Variants in HMX1 observed in about 807,000 individuals in gnomAD.
HMX1 encodes the protein H6 family homeobox 1, also known as homeobox protein HMX1.
A neutral mutation model predicts 8.9 loss-of-function variants in HMX1; 8 were observed. That is an observed-to-expected ratio of 0.90 (90% CI 0.53 to 1.63). The LOEUF is 1.63. Among genes scored for constraint, HMX1 ranks in the 40% most tolerant of loss-of-function variants. HMX1 has a pLI of 0.00. For synonymous variants in HMX1, 311 were observed against 283.4 expected (o/e 1.10, Z -0.98); for missense variants, 621 against 558.5 (o/e 1.11, Z -1.13).
chr4:8,848,215 G>A lies in HMX1; in HGVS notation c.395-1891C>T, dbSNP rs562585968. Reference sequence around the variant, plus strand: ...TGCATACTTTTGTGCTCTCCAAAGAGAGTCCGAAACATGTAAAGCAACTCA... The same window carrying A: ...TGCATACTTTTGTGCTCTCCAAAGAAAGTCCGAAACATGTAAAGCAACTCA... On this transcript the variant is annotated intron_variant, in intron 1 of 1. Coordinates refer to the HMX1 transcript ENST00000506970. The surrounding 1 kb of genome is among the most constrained non-coding windows in gnomAD (Gnocchi z 4.1). Among the ~76,000 whole-genome samples the A allele has an allele frequency of 1.3e-5, 2 of 152,196 alleles. No homozygotes were observed. Among genetic ancestry groups the A allele is most frequent in the Non-Finnish European group, 2.9e-5 (2 of 68,040 alleles).
At chr4:8,856,382 T>C (rs1033627259) in intron 1 of HMX1, among the ~76,000 whole-genome samples, 7 of 152,296 alleles carry the variant, frequency 4.6e-5, no homozygotes, top group African/African-American at 1.4e-4. Context: ...AGGAATCTCT[T>C]CTGGTAGTGG....
chr4:8,861,060 G>C (rs916423347), intron 1 of HMX1, among the ~76,000 whole-genome samples: 1 of 152,040 alleles, frequency 6.6e-6, no homozygotes, highest in Non-Finnish European at 1.5e-5. Flanking sequence ...GGCCGGAGAC[G>C]GTGAAGAGGC....
rs1722025766 is a variant in HMX1, at chr4:8,867,197, A to G, written c.*496T>C. 1.0e-6 allele frequency: 1 copy of G among 985,682 alleles called. No individual in the cohort carries two copies. Among genetic ancestry groups the G allele is most frequent in the South Asian group, 4.7e-5 (1 of 21,290 alleles). 61.1% of individuals were successfully genotyped at this position (985,682 alleles called of 1,614,324 possible). On this transcript the variant is annotated 3_prime_UTR_variant, in exon 2 of 2. Coordinates refer to ENST00000400677, the MANE Select transcript of HMX1 (RefSeq NM_018942.3). ...CCCACAGGTCCAGGGTCCTTTCTCCACCAGCACCCGCGAGAGGGGTAGCAC... is the reference window on the plus strand; with the variant it reads ...CCCACAGGTCCAGGGTCCTTTCTCCGCCAGCACCCGCGAGAGGGGTAGCAC...
intron 1 of HMX1, among the ~76,000 whole-genome samples, chr4:8,852,194 G>A (rs1411328342): frequency 1.3e-5 from 2 of 152,248 alleles, no homozygotes; most frequent in Non-Finnish European, 2.9e-5. Flanking sequence ...CTTGGGTGAA[G>A]CCAATTTAGT....
intron 1 of HMX1, among the ~76,000 whole-genome samples, chr4:8,869,934 G>A (rs575287333): frequency 6.6e-6 from 1 of 152,166 alleles, no homozygotes; most frequent in Non-Finnish European, 1.5e-5. Flanking sequence ...CCCCAGAAGG[G>A]CACTAGACAG....
chr4:8,853,681 G>A lies in HMX1; in HGVS notation c.395-7357C>T, dbSNP rs908467978. Among the ~76,000 whole-genome samples, 6 of 152,200 alleles carry A rather than the reference G, an allele frequency of 3.9e-5. No individual in the cohort carries two copies. In the East Asian group the frequency reaches 5.8e-4, roughly 15 times the overall value. On this transcript the variant is annotated intron_variant, in intron 1 of 1. Transcript: ENST00000506970. The surrounding 1 kb of genome is among the most constrained non-coding windows in gnomAD (Gnocchi z 4.7). ...AGCCTGACCAATATGATGAAACCCC[G>A]TCTCTACTAAAAATACAGAAATTAG...
Position 8,867,143 on chromosome 4 carries a change from C to T in HMX1, c.*550G>A. ...CTGCGACGTCTGCAGAGAGCCCCAG[C>T]CTGCCTGCTCCTGGAACGGACGATG... On this transcript the variant is annotated 3_prime_UTR_variant, in exon 2 of 2. Coordinates refer to ENST00000400677, the MANE Select transcript of HMX1 (RefSeq NM_018942.3). 1 of 985,542 alleles carries T rather than the reference C, an allele frequency of 1.0e-6. No homozygotes were observed. Among genetic ancestry groups the T allele is most frequent in the Non-Finnish European group, 1.2e-6 (1 of 829,998 alleles). 61.0% of individuals were successfully genotyped at this position (985,542 alleles called of 1,614,324 possible).
chr4:8,860,086 G>A (rs966721615), intron 1 of HMX1, among the ~76,000 whole-genome samples: 1 of 152,380 alleles, frequency 6.6e-6, no homozygotes, highest in African/African-American at 2.4e-5. Context: ...CGAGTTCGTG[G>A]AGCGCCGTTG....
In HMX1 at chr4:8,868,327, G is replaced by A. The variant is rs987428722; in HGVS notation, c.413C>T (p.Pro138Leu). ...ACGGCCCATCTCCTCGCCCGTCTCC[G>A]GTGAGTCCCGGTCGCTGGCTGCAGG... Reference protein sequence around the residue: ...LSPDTSDRDSPETGEEMGRAE... With the variant: ...LSPDTSDRDSLETGEEMGRAE... The change falls in exon 2 of 2, where the codon CCG becomes CTG. Residue 138 changes from proline to leucine, a missense_variant. By Grantham distance (98) the Pro-to-Leu change is moderately conservative (BLOSUM62 -3). Transcript: ENST00000400677. The surrounding 1 kb of genome is among the most constrained non-coding windows in gnomAD (Gnocchi z 4.6). 38 of 1,407,750 alleles carry A rather than the reference G, an allele frequency of 2.7e-5. No individual in the cohort carries two copies. The highest frequency in any genetic ancestry group is 3.2e-5 in the Non-Finnish European group (35 of 1,088,750). 87.2% of individuals were successfully genotyped at this position (1,407,750 alleles called of 1,614,324 possible). A position where few individuals can be genotyped will look rare whatever the true frequency, so the allele number is the denominator to read the frequency against.
chr4:8,862,816 C>T (rs932215204), downstream of HMX1, among the ~76,000 whole-genome samples: 10 of 152,316 alleles, frequency 6.6e-5, no homozygotes, highest in East Asian at 1.7e-3. Context: ...GCTCCCCAGG[C>T]GGTGAGGCTG....
Position 8,868,090 on chromosome 4 carries a change from TG to T in HMX1, c.649del (p.Gln217SerfsTer8). On this transcript the variant is annotated frameshift_variant, in exon 2 of 2. Transcript: ENST00000400677. LOFTEE classifies it low-confidence loss of function (END_TRUNC). This position sits in a 1 kb window ranked among gnomAD's most constrained non-coding sequence, Gnocchi z 4.6. ...RTVFSRSQVFQLESTFDLKRY... is the reference protein window; with the variant it reads ...RTVFSRSQVFXLESTFDLKRY... The stretch of plus-strand genomic sequence containing the variant: ...CTTCAGGTCGAAGGTGGATTCCAGC[TG>T]GAAGACCTGGCTGCGGGAGAAGACT... 1 of 1,520,810 alleles carries T rather than the reference TG, an allele frequency of 6.6e-7. No homozygotes were observed. Among genetic ancestry groups the T allele is most frequent in the Non-Finnish European group, 8.8e-7 (1 of 1,136,500 alleles). The allele number at this position is 1,520,810 out of a possible 1,614,324, so 94.2% of individuals were successfully genotyped here. A position where few individuals can be genotyped will look rare whatever the true frequency, so the allele number is the denominator to read the frequency against.
At position 8,867,948 on chromosome 4, in the gene HMX1, G is replaced by A. The variant is rs1161182623; in HGVS notation, c.792C>T (p.Ala264=). 6 of 1,488,188 alleles carry A rather than the reference G, an allele frequency of 4.0e-6. No homozygotes were observed. Among genetic ancestry groups the A allele is most frequent in the Non-Finnish European group, 5.4e-6 (6 of 1,121,096 alleles). The allele number at this position is 1,488,188 out of a possible 1,614,324, so 92.2% of individuals were successfully genotyped here. The change falls in exon 2 of 2, where the codon GCC becomes GCT. Residue 264 remains alanine, a synonymous_variant. Coordinates refer to ENST00000400677, the MANE Select transcript of HMX1 (RefSeq NM_018942.3). ...RRNKWKRQLA[A]ELEAASLSPP... ...GGGACAGGCTGGCCGCCTCCAGCTC[G>A]GCTGCCAGCTGCCGCTTCCACTTGT...
At chr4:8,857,770 G>A (rs1057230102) in intron 1 of HMX1, among the ~76,000 whole-genome samples, 3 of 152,122 alleles carry the variant, frequency 2.0e-5, no homozygotes, top group African/African-American at 4.8e-5. Flanking sequence ...GGGACTCGAG[G>A]TCCTTGAGGA....
At position 8,853,531 on chromosome 4, in the gene HMX1, A is replaced by G. The variant is rs1037610764; in HGVS notation, c.395-7207T>C. Among the ~76,000 whole-genome samples the G allele has an allele frequency of 6.6e-6, 1 of 152,216 alleles. No individual in the cohort carries two copies. The highest frequency in any genetic ancestry group is 1.5e-5 in the Non-Finnish European group (1 of 68,042). The stretch of plus-strand genomic sequence containing the variant: ...TTAGCTAAGTGCCCAACTGAAATCC[A>G]GAAGGGTTCAATTAGTAAAAGGTAA... On this transcript the variant is annotated intron_variant, in intron 1 of 1. Transcript: ENST00000506970. The surrounding 1 kb of genome is among the most constrained non-coding windows in gnomAD (Gnocchi z 4.7).
chr4:8,864,697 G>C (rs1721940023), downstream of HMX1, among the ~76,000 whole-genome samples: 1 of 152,188 alleles, frequency 6.6e-6, no homozygotes. Context: ...GAGCCCCACG[G>C]ATAACAGGGC....
downstream of HMX1, among the ~76,000 whole-genome samples, chr4:8,863,323 G>A (rs1229991156): frequency 1.3e-5 from 2 of 152,208 alleles, no homozygotes. Flanking sequence ...GGCCACGAAA[G>A]ACTCTTGGGG....
chr4:8,871,132 G>C lies in HMX1; in HGVS notation c.394+89C>G, dbSNP rs1330667852. On this transcript the variant is annotated intron_variant, in intron 1 of 1. Transcript: ENST00000400677. This position sits in a 1 kb window ranked among gnomAD's most constrained non-coding sequence, Gnocchi z 4.8. ...GAAGGGAGAGGATGGCCCAGAACGG[G>C]CGGCGACGAGCCCGAAGTCCCCCAG... 9.2e-5 allele frequency: 113 copies of C among 1,224,428 alleles called. No homozygotes were observed. Among genetic ancestry groups the C allele is most frequent in the Non-Finnish European group, 1.2e-4 (113 of 964,564 alleles). The allele number at this position is 1,224,428 out of a possible 1,614,324, so 75.8% of individuals were successfully genotyped here.
chr4:8,846,152 G>A (rs772015292), exon 2 of HMX1: 20 of 996,526 alleles, frequency 2.0e-5, no homozygotes, highest in South Asian at 5.9e-5. Context: ...GCGGTCACTC[G>A]GGGGTCCAGG....
In HMX1 at chr4:8,870,394, T is replaced by G. The variant is rs1187293401; in HGVS notation, c.394+827A>C. Reference sequence around the variant, plus strand: ...TACCCAAGCAAGGGGGCAAAGGGGTTCTGGGGTTGAGAACCCCCAGCCCCA... The same window carrying G: ...TACCCAAGCAAGGGGGCAAAGGGGTGCTGGGGTTGAGAACCCCCAGCCCCA... On this transcript the variant is annotated intron_variant, in intron 1 of 1. Coordinates refer to ENST00000400677, the MANE Select transcript of HMX1 (RefSeq NM_018942.3). This position sits in a 1 kb window ranked among gnomAD's most constrained non-coding sequence, Gnocchi z 4.4. Among the ~76,000 whole-genome samples the G allele has an allele frequency of 2.6e-5, 4 of 151,904 alleles. No homozygotes were observed. The highest frequency in any genetic ancestry group is 9.7e-5 in the African/African-American group (4 of 41,322).
Sources: gnomAD v4.1 joint callset for allele counts (sites outside exome capture counted in the v4.1 genomes callset) on GRCh38, gnomAD v4.1.1 for gene constraint, Gnocchi (gnomAD v3.1) non-coding constraint, MANE v1.5 for transcripts, NCBI Gene and HGNC (gene_info 2026-07-23, HGNC 2026-07-21) for gene names.